The following CEMIP variants were observed in gnomAD, a reference collection of about 807,000 sequenced individuals.
CEMIP encodes cell migration-inducing and hyaluronan-binding protein.
CEMIP carries 105 observed loss-of-function variants against 156.9 expected under a neutral mutation model. That is an observed-to-expected ratio of 0.67 (90% confidence interval 0.57 to 0.79). The LOEUF (loss-of-function observed/expected upper bound fraction) is 0.79, where lower values mean the gene tolerates loss of function less well. Among genes scored for constraint, CEMIP ranks in the 30% least tolerant of loss-of-function variants. CEMIP has a pLI of 0.00. For missense variants in CEMIP, 1,457 were observed against 1,769.4 expected (o/e 0.82, Z 3.17); for synonymous variants, 676 against 668.4 (o/e 1.01, Z -0.17).
intron 1 of CEMIP, among the ~76,000 whole-genome samples, chr15:80,807,426 T>C (rs1312892057): frequency 5.9e-5 from 9 of 152,164 alleles, no homozygotes; most frequent in Admixed American, 5.9e-4. Flanking sequence ...AGTTTCACTA[T>C]GCTGTCCAGG....
Position 80,942,261 on chromosome 15 carries a change from A to G in CEMIP, c.3623A>G (p.Asp1208Gly), listed in dbSNP as rs778482292. ...KLFGSQLKTK[D>G]HFLEVKMESS... The stretch of plus-strand genomic sequence containing the variant: ...CTATGTGTTTTCCAGAAAACAAAGG[A>G]CCATTTCTTGGAGGTGAAGATGGAG... Residue 1208 changes from aspartate to glycine, a missense_variant, in exon 27 of 30, where the codon GAC becomes GGC. Asp to Gly is a moderately conservative substitution (Grantham distance 94). Around this residue, in one of 5 missense-constraint regions of CEMIP, gnomAD observed 798 missense variants for 980.1 expected, o/e 0.81. Transcript: ENST00000394685. The G allele has an allele frequency of 5.6e-6, 9 of 1,613,862 alleles. No individual in the cohort carries two copies. The highest frequency in any genetic ancestry group is 6.8e-6 in the Non-Finnish European group (8 of 1,179,772).
chr15:80,895,870 G>A lies in CEMIP; in HGVS notation c.1221G>A (p.Val407=). 6.2e-6 allele frequency: 10 copies of A among 1,614,144 alleles called. No individual in the cohort carries two copies. Among genetic ancestry groups the A allele is most frequent in the East Asian group, 2.2e-5 (1 of 44,886 alleles). The change falls in exon 12 of 30, where the codon GTG becomes GTA. Residue 407 remains valine (V), a splice_region_variant and synonymous_variant. Coordinates refer to ENST00000394685, the MANE Select transcript of CEMIP (RefSeq NM_001293298.2). The part of the protein sequence containing the change: ...YRVRFLCGKP[V]RPKLTVTIDT... The stretch of plus-strand genomic sequence containing the variant: ...AGTCTTTCCTGTTTTGGGTTACAGT[G>A]AGGCCCAAACTCACAGTCACCATTG...
intron 8 of CEMIP, among the ~76,000 whole-genome samples, chr15:80,888,499 CT>C (rs1898926042): frequency 6.6e-6 from 1 of 152,204 alleles, no homozygotes; most frequent in African/African-American, 2.4e-5. Context: ...TGGAACTAAA[CT>C]TTCAAAACTG....
intron 22 of CEMIP, 43 bp from the exon 23 acceptor site, chr15:80,933,202 C>T (rs1272524716): frequency 1.9e-6 from 3 of 1,557,602 alleles, no homozygotes; most frequent in East Asian, 2.2e-5. Flanking sequence ...TGCAGTTTCC[C>T]TTCACCTTCT....
intron 1 of CEMIP, among the ~76,000 whole-genome samples, chr15:80,871,263 TG>T (rs751991623): frequency 3.3e-5 from 5 of 152,168 alleles, no homozygotes; most frequent in Non-Finnish European, 7.4e-5. Flanking sequence ...CTCAGCAATG[TG>T]GGATTAGCCT....
intron 1 of CEMIP, among the ~76,000 whole-genome samples, chr15:80,818,033 G>A (rs895070899): frequency 3.3e-5 from 5 of 152,192 alleles, no homozygotes; most frequent in African/African-American, 1.2e-4. Context: ...TGGTTGTTGA[G>A]AGGATCCGAT....
intron 9 of CEMIP, among the ~76,000 whole-genome samples, chr15:80,889,113 C>T (rs576312176): frequency 9.0e-4 from 137 of 152,344 alleles, no homozygotes; most frequent in African/African-American, 3.2e-3. Flanking sequence ...GGAATAGAAC[C>T]TGCCCTCCAA....
rs1360631731 is a variant in CEMIP at position 80,933,415 on chromosome 15, T to A, written c.2964T>A (p.Asn988Lys). 1 of 1,614,176 alleles carries A rather than the reference T, an allele frequency of 6.2e-7. No homozygotes were observed. The highest frequency in any genetic ancestry group is 8.5e-7 in the Non-Finnish European group (1 of 1,180,026). ...TGGTCCGGCACCCAGACTGCATCAATGTTCCCGACTGGAGAGGGGCCATTT... is the reference window on the plus strand; with the variant it reads ...TGGTCCGGCACCCAGACTGCATCAAAGTTCCCGACTGGAGAGGGGCCATTT... ...NWLVRHPDCINVPDWRGAICS... is the reference protein window; with the variant it reads ...NWLVRHPDCIKVPDWRGAICS... Residue 988 changes from asparagine to lysine, a missense_variant, in exon 23 of 30, where the codon AAT becomes AAA. Coordinates refer to ENST00000394685, the MANE Select transcript of CEMIP (RefSeq NM_001293298.2).
chr15:80,809,635 G>C (rs1284730505), intron 1 of CEMIP, among the ~76,000 whole-genome samples: 1 of 152,226 alleles, frequency 6.6e-6, no homozygotes, highest in Non-Finnish European at 1.5e-5. Flanking sequence ...GGTGTCACCA[G>C]GCTGAAATCA....
chr15:80,884,295 C>T lies in CEMIP; in HGVS notation c.738C>T (p.Asp246=). 1 of 1,614,248 alleles carries T rather than the reference C, an allele frequency of 6.2e-7. No individual in the cohort carries two copies. The highest frequency in any genetic ancestry group is 8.5e-7 in the Non-Finnish European group (1 of 1,180,040). The part of the protein sequence containing the change: ...VNDEGSRNLD[D]MARKAMTKLG... ...ATGAAGGTTCTCGAAATCTGGATGA[C>T]ATGGCCAGGAAGGCGATGACCAAAT... is the stretch of plus-strand genomic sequence containing the variant. Residue 246 remains aspartate, a synonymous_variant, in exon 7 of 30, where the codon GAC becomes GAT. Coordinates refer to ENST00000394685, the MANE Select transcript of CEMIP (RefSeq NM_001293298.2).
In CEMIP at chr15:80,949,988, G is replaced by A. The variant is rs1443861323; in HGVS notation, c.*1064G>A. The A allele has an allele frequency of 6.6e-6, 1 of 152,086 alleles. No homozygotes were observed. 9.4% of individuals were successfully genotyped at this position (152,086 alleles called of 1,614,324 possible). ...ATGATGGAGAAGTGTGGTCAGAGGG[G>A]AGCAATGGGCTTTGCTGCTTATGAG... On this transcript the variant is annotated 3_prime_UTR_variant, in exon 30 of 30. Transcript: ENST00000394685.
intron 29 of CEMIP, chr15:80,947,532 A>T (rs1400026777): frequency 1.8e-5 from 3 of 169,674 alleles, no homozygotes; most frequent in African/African-American, 7.2e-5. Flanking sequence ...GAGAACCTAC[A>T]TGGCTTGTCC....
chr15:80,919,814 C>CAA, intron 14 of CEMIP, among the ~76,000 whole-genome samples: 1 of 146,976 alleles, frequency 6.8e-6, no homozygotes, highest in Non-Finnish European at 1.5e-5. Flanking sequence ...GACTCCATCT[C>CAA]AAAAAAAAAA....
At chr15:80,826,090 G>A (rs1212324172) in intron 1 of CEMIP, among the ~76,000 whole-genome samples, 1 of 152,170 alleles carries the variant, frequency 6.6e-6, no homozygotes, top group Non-Finnish European at 1.5e-5. Context: ...TTCATTTAGT[G>A]TTAACCATCT....
chr15:80,929,033 C>G lies in CEMIP; in HGVS notation c.2471C>G (p.Pro824Arg). 6.2e-7 allele frequency: 1 copy of G among 1,614,156 alleles called. No homozygotes were observed. The highest frequency in any genetic ancestry group is 8.5e-7 in the Non-Finnish European group (1 of 1,180,034). The change falls in exon 21 of 30, where the codon CCG (proline) becomes CGG (arginine). Residue 824 changes from proline (P) to arginine (R), a missense_variant. Coordinates refer to ENST00000394685, the MANE Select transcript of CEMIP (RefSeq NM_001293298.2). The stretch of plus-strand genomic sequence containing the variant: ...TCTCTCTACAGTGGTGGAACCTTCC[C>G]GTATGACGACGGCTCCAAGCAAGAG... ...GLTLASGGTF[P>R]YDDGSKQEIK...
intron 1 of CEMIP, among the ~76,000 whole-genome samples, chr15:80,857,356 C>T (rs1004291365): frequency 6.6e-6 from 1 of 152,192 alleles, no homozygotes; most frequent in South Asian, 2.1e-4. Context: ...ATGGGCTGCA[C>T]GCCTGTCTCA....
chr15:80,894,110 G>A (rs1429034642), intron 10 of CEMIP, among the ~76,000 whole-genome samples: 2 of 152,270 alleles, frequency 1.3e-5, no homozygotes, highest in Non-Finnish European at 2.9e-5. Flanking sequence ...CTCACTCTGT[G>A]CCAGGCCCTG....
chr15:80,930,426 G>C (rs1443007210), intron 21 of CEMIP, among the ~76,000 whole-genome samples: 1 of 152,204 alleles, frequency 6.6e-6, no homozygotes, highest in African/African-American at 2.4e-5. Context: ...GACTGAGGCA[G>C]GTTCCTCAAA....
chr15:80,865,659 T>C (rs1443124466), intron 1 of CEMIP, among the ~76,000 whole-genome samples: 2 of 151,760 alleles, frequency 1.3e-5, no homozygotes, highest in Non-Finnish European at 2.9e-5. Flanking sequence ...CCTTTTTTTT[T>C]TTTTTTTTTA....
Sources: allele counts gnomAD v4.1 joint callset (sites outside exome capture counted in the v4.1 genomes callset), GRCh38; gene constraint gnomAD v4.1.1; regional missense constraint gnomAD v4.1.1; transcripts MANE v1.5; gene names NCBI Gene and HGNC (gene_info 2026-07-23, HGNC 2026-07-21).